The following BNC2 variants were observed in gnomAD, a reference collection of about 807,000 sequenced individuals.
The protein encoded by BNC2 is basonuclin zinc finger protein 2.
In BNC2, 20 loss-of-function variants were observed where a neutral mutation model predicts 76.3. The observed-to-expected ratio is 0.26, with a 90% confidence interval of 0.18 to 0.38. The LOEUF (loss-of-function observed/expected upper bound fraction) is 0.38, where lower values mean the gene tolerates loss of function less well. BNC2 is among the 10% of genes least tolerant of loss of function. The pLI, the probability that BNC2 is intolerant of heterozygous loss-of-function variation, is 1.00. For synonymous variants in BNC2, 582 were observed against 514.8 expected (o/e 1.13, Z -1.77); for missense variants, 1,382 against 1,399.8 (o/e 0.99, Z 0.20).
intron 1 of BNC2, among the ~76,000 whole-genome samples, chr9:16,782,468 T>G (rs988957663): frequency 6.6e-6 from 1 of 152,208 alleles, no homozygotes; most frequent in African/African-American, 2.4e-5. Flanking sequence ...ATTTGAGTTC[T>G]AGTTGCCTAA....
In BNC2 at chr9:16,539,829, G is replaced by C. The variant is rs1013868528; in HGVS notation, c.669+12701C>G. 5.7e-5 allele frequency among the ~76,000 whole-genome samples: 8 copies of C among 139,752 alleles called. 1 individual carries two copies. The Admixed American group carries it at 5.9e-4, about 10-fold the overall frequency. The allele number at this position is 139,752 out of a possible 152,430, so 91.7% of individuals were successfully genotyped here. A position where few individuals can be genotyped will look rare whatever the true frequency, so the allele number is the denominator to read the frequency against. On this transcript the variant is annotated intron_variant, in intron 5 of 6. Transcript: ENST00000380672. ...GAAAGGAAAGGAAAGGAAAGGAAAG[G>C]AAGGGAAGGGAAGGGAAGGGAAAGG...
intron 4 of BNC2, among the ~76,000 whole-genome samples, chr9:16,554,993 C>T (rs1259340895): frequency 6.6e-6 from 1 of 152,088 alleles, no homozygotes; most frequent in Non-Finnish European, 1.5e-5. Context: ...ACTCTCCCTC[C>T]CACTCATTAA....
At chr9:16,708,481 T>C (rs1823742106) in intron 3 of BNC2, among the ~76,000 whole-genome samples, 1 of 151,900 alleles carries the variant, frequency 6.6e-6, no homozygotes, top group Non-Finnish European at 1.5e-5. Context: ...AACATGCACA[T>C]GCAAGCAAAG....
chr9:16,731,467 A>T (rs915783082), intron 2 of BNC2, among the ~76,000 whole-genome samples: 23 of 152,196 alleles, frequency 1.5e-4, no homozygotes, highest in Non-Finnish European at 2.9e-5. Context: ...ACATAAGTAG[A>T]AATATACTTA....
chr9:16,775,280 G>C (rs1424275927), intron 1 of BNC2, among the ~76,000 whole-genome samples: 3 of 151,946 alleles, frequency 2.0e-5, no homozygotes. Context: ...ATAAGTAAAT[G>C]AAGAATGTCC....
chr9:16,526,941 G>C (rs1355300458), intron 5 of BNC2, among the ~76,000 whole-genome samples: 4 of 152,186 alleles, frequency 2.6e-5, no homozygotes, highest in Admixed American at 2.0e-4. Flanking sequence ...ATTTTAGTTG[G>C]TACAGTCAAT....
At chr9:16,489,563 T>C (rs1822231268) in intron 5 of BNC2, among the ~76,000 whole-genome samples, 1 of 152,220 alleles carries the variant, frequency 6.6e-6, no homozygotes, top group South Asian at 2.1e-4. Flanking sequence ...AATGTGTTGC[T>C]GACATTTTTC....
At chr9:16,644,555 C>CT (rs1563877684) in intron 3 of BNC2, among the ~76,000 whole-genome samples, 1 of 151,996 alleles carries the variant, frequency 6.6e-6, no homozygotes, top group Admixed American at 6.6e-5. Flanking sequence ...CCCAAATTCT[C>CT]TAAAATGTTC....
chr9:16,416,637 T>C lies in BNC2; in HGVS notation c.*2352A>G, dbSNP rs1171481922. On this transcript the variant is annotated 3_prime_UTR_variant, in exon 7 of 7. Coordinates refer to ENST00000380672, the MANE Select transcript of BNC2 (RefSeq NM_017637.6). ...CATTTAACATAGTGTTTGATATAGT[T>C]TCTTTTGTACTGCAAATACTTTTGG... 6.6e-6 allele frequency: 1 copy of C among 152,636 alleles called. No homozygotes were observed. Among genetic ancestry groups the C allele is most frequent in the East Asian group, 1.9e-4 (1 of 5,206 alleles). The allele number at this position is 152,636 out of a possible 1,614,324, so 9.5% of individuals were successfully genotyped here. A position where few individuals can be genotyped will look rare whatever the true frequency, so the allele number is the denominator to read the frequency against.
chr9:16,782,573 T>C (rs1231241263), intron 1 of BNC2, among the ~76,000 whole-genome samples: 1 of 152,038 alleles, frequency 6.6e-6, no homozygotes, highest in African/African-American at 2.4e-5. Flanking sequence ...GTAGCAACCC[T>C]TCCTAGACCC....
At chr9:16,807,206 G>C (rs908397446) in intron 1 of BNC2, among the ~76,000 whole-genome samples, 8 of 152,160 alleles carry the variant, frequency 5.3e-5, no homozygotes, top group Non-Finnish European at 1.2e-4. Context: ...TAAAAAGTCA[G>C]TGTCAACACC....
intron 1 of BNC2, among the ~76,000 whole-genome samples, chr9:16,747,449 T>C (rs1393909082): frequency 1.3e-5 from 2 of 152,222 alleles, no homozygotes; most frequent in Admixed American, 6.5e-5. Flanking sequence ...TGAGCACCTG[T>C]TGTGTGCCAG....
chr9:16,640,590 G>C (rs919132001), intron 3 of BNC2, among the ~76,000 whole-genome samples: 3 of 152,122 alleles, frequency 2.0e-5, no homozygotes, highest in African/African-American at 7.2e-5. Flanking sequence ...ATTCTATTAG[G>C]CTGAGAAAAC....
At position 16,419,608 on chromosome 9, in the gene BNC2, T is replaced by C. The variant is rs750053911; in HGVS notation, c.2681A>G (p.Lys894Arg). The change falls in exon 7 of 7, where the codon AAA (lysine) becomes AGA (arginine). Residue 894 changes from lysine (K) to arginine (R), a missense_variant. This residue lies in a region of BNC2 where 798 missense variants were observed against 775.5 expected (regional missense o/e 1.03). Transcript: ENST00000380672. ...GTCCAGGCCCATGTCATCGAGTTCT[T>C]TGGTCAACAGTTTACGATGTAGGTT... is the stretch of plus-strand genomic sequence containing the variant. ...NINLHRKLLT[K>R]ELDDMGLDSS... 11 of 1,583,092 alleles carry C rather than the reference T, an allele frequency of 6.9e-6. No individual in the cohort carries two copies. Among genetic ancestry groups the C allele is most frequent in the African/African-American group, 2.8e-5 (2 of 72,048 alleles).
intron 5 of BNC2, among the ~76,000 whole-genome samples, chr9:16,506,680 C>A (rs1822635254): frequency 6.6e-6 from 1 of 151,734 alleles, no homozygotes; most frequent in African/African-American, 2.4e-5. Context: ...CACCCGCCAC[C>A]ACACCCAGCT....
At chr9:16,772,832 G>A (rs1025429338) in intron 1 of BNC2, among the ~76,000 whole-genome samples, 2 of 152,148 alleles carry the variant, frequency 1.3e-5, no homozygotes, top group Non-Finnish European at 2.9e-5. Context: ...CAAAATAATT[G>A]TATATTCTAT....
chr9:16,813,186 A>C (rs1031076979), intron 1 of BNC2, among the ~76,000 whole-genome samples: 3 of 151,760 alleles, frequency 2.0e-5, no homozygotes, highest in Admixed American at 6.6e-5. Context: ...ACAGAGCGAG[A>C]CTCCGTCTCA....
rs1445712522 is a variant in BNC2 at position 16,806,482 on chromosome 9, G to GTTTA, written c.3+64160_3+64163dup. Reference sequence around the variant, plus strand: ...AATGATAAGAAGGAATTTAAGCAAAGTTTAGCTTGATTAAAACTTGTTGTC... The same window carrying GTTTA: ...AATGATAAGAAGGAATTTAAGCAAAGTTTATTTAGCTTGATTAAAACTTGTTGTC... On this transcript the variant is annotated intron_variant, in intron 1 of 6. Transcript: ENST00000380672. Among the ~76,000 whole-genome samples the GTTTA allele has an allele frequency of 3.3e-5, 5 of 152,328 alleles. No individual in the cohort carries two copies. In the East Asian group the frequency reaches 9.6e-4, roughly 29 times the overall value.
intron 2 of BNC2, among the ~76,000 whole-genome samples, chr9:16,736,750 A>C (rs1824682509): frequency 6.6e-6 from 1 of 151,210 alleles, no homozygotes; most frequent in African/African-American, 2.4e-5. Context: ...CTGGGATTAC[A>C]GGTATGAGCC....
Sources: gnomAD v4.1 joint callset for allele counts (sites outside exome capture counted in the v4.1 genomes callset) on GRCh38, gnomAD v4.1.1 for gene constraint, gnomAD v4.1.1 regional missense constraint, MANE v1.5 for transcripts, NCBI Gene and HGNC (gene_info 2026-07-23, HGNC 2026-07-21) for gene names.